The following AGBL1 variants were observed in gnomAD, a reference collection of about 807,000 sequenced individuals.
AGBL1 encodes cytosolic carboxypeptidase 4.
In AGBL1, 130 loss-of-function variants were observed where a neutral mutation model predicts 118.9. The observed-to-expected ratio is 1.09, with a 90% confidence interval of 0.95 to 1.26. AGBL1 has a LOEUF of 1.26. AGBL1 is among the 50% of genes most tolerant of loss of function. AGBL1 has a pLI of 0.00. For synonymous variants in AGBL1, 555 were observed against 478.9 expected (o/e 1.16, Z -2.08); for missense variants, 1,584 against 1,298.1 (o/e 1.22, Z -3.38).
At chr15:86,554,663 T>G in intron 21 of AGBL1, 126 bp downstream of exon 21, 1 of 970,270 alleles carries the variant, frequency 1.0e-6, no homozygotes, top group Non-Finnish European at 1.4e-6. Context: ...GGTCCTCCCT[T>G]GCCTTGAAAA....
At chr15:86,725,128 T>G (rs1473708878) in intron 22 of AGBL1, among the ~76,000 whole-genome samples, 1 of 152,174 alleles carries the variant, frequency 6.6e-6, no homozygotes, top group East Asian at 1.9e-4. Context: ...AAATTAAATG[T>G]GGGTTGAATA....
chr15:86,982,192 A>T lies in AGBL1; in HGVS notation c.3222-5795A>T, dbSNP rs999312854. Among the ~76,000 whole-genome samples, 4 of 152,160 alleles carry T rather than the reference A, an allele frequency of 2.6e-5. No individual in the cohort carries two copies. In the East Asian group the frequency reaches 7.7e-4, roughly 29 times the overall value. ...CCTAAGAACTTCTTTATATTTAATC[A>T]TATAGTTATATCATCCCAAATAATA... is the stretch of plus-strand genomic sequence containing the variant. On this transcript the variant is annotated intron_variant, in intron 23 of 24. Coordinates refer to the AGBL1 transcript ENST00000441037.
chr15:86,465,928 G>T (rs948418745), intron 18 of AGBL1, among the ~76,000 whole-genome samples: 81 of 152,088 alleles, frequency 5.3e-4, no homozygotes, highest in African/African-American at 1.9e-3. Context: ...CTCCCTATTT[G>T]TACACCCCTC....
At chr15:86,382,068 T>C (rs901834159) in intron 17 of AGBL1, among the ~76,000 whole-genome samples, 2 of 152,036 alleles carry the variant, frequency 1.3e-5, no homozygotes, top group African/African-American at 4.8e-5. Flanking sequence ...CTTGTGGGAC[T>C]CCCCCACCGC....
intron 22 of AGBL1, among the ~76,000 whole-genome samples, chr15:86,899,917 C>T (rs1337918021): frequency 6.6e-6 from 1 of 152,136 alleles, no homozygotes; most frequent in Non-Finnish European, 1.5e-5. Flanking sequence ...GACCCACCCT[C>T]AATCTGGGTG....
intron 20 of AGBL1, among the ~76,000 whole-genome samples, chr15:86,550,547 C>T (rs2142262663): frequency 6.6e-6 from 1 of 152,068 alleles, no homozygotes; most frequent in Non-Finnish European, 1.5e-5. Context: ...ATTCATAATA[C>T]TGAAACAAAT....
intron 1 of AGBL1, among the ~76,000 whole-genome samples, chr15:86,114,150 G>A (rs1262178891): frequency 1.3e-5 from 2 of 152,324 alleles, no homozygotes; most frequent in East Asian, 3.9e-4. Flanking sequence ...TTCTAGTCTT[G>A]TTGAACAATC....
rs189061845 is a variant in AGBL1, at chr15:86,132,808, A to T, written c.52-9196A>T. 3.2e-3 allele frequency among the ~76,000 whole-genome samples: 486 copies of T among 152,216 alleles called. 2 individuals are homozygous for T. Among genetic ancestry groups the T allele is most frequent in the Non-Finnish European group, 5.5e-3 (372 of 68,004 alleles). On this transcript the variant is annotated intron_variant, in intron 1 of 22. Transcript: ENST00000614907. Reference sequence around the variant, plus strand: ...GAGCATGCAATCTCACCCTCTTGAGATGTTTTGTTTATTTTTTTTCTCTCT... The same window carrying T: ...GAGCATGCAATCTCACCCTCTTGAGTTGTTTTGTTTATTTTTTTTCTCTCT...
At chr15:87,014,349 G>A (rs1054048367) in intron 24 of AGBL1, among the ~76,000 whole-genome samples, 2 of 152,184 alleles carry the variant, frequency 1.3e-5, no homozygotes, top group Non-Finnish European at 1.5e-5. Flanking sequence ...TCTTAGGCAA[G>A]TAAGTACAAT....
At chr15:86,389,356 A>T (rs921660584) in intron 17 of AGBL1, among the ~76,000 whole-genome samples, 3 of 152,186 alleles carry the variant, frequency 2.0e-5, no homozygotes, top group Non-Finnish European at 4.4e-5. Context: ...ATCTTGGTGG[A>T]AGAAACATGG....
rs2080074114 is a variant in AGBL1 at position 86,319,743 on chromosome 15, G to GGT, written c.2374+24335_2374+24336insGT. ...TGTACTTTGTTTTGCCTCTTTGGTA[G>GGT]TTTTTTTTTTTTTTTTTTTTTTTTT... On this transcript the variant is annotated intron_variant, in intron 17 of 22. Transcript: ENST00000614907. Among the ~76,000 whole-genome samples, 7 of 47,254 alleles carry GGT rather than the reference G, an allele frequency of 1.5e-4. 1 individual carries two copies. The East Asian group carries it at 4.9e-3, about 33-fold the overall frequency. The allele number at this position is 47,254 out of a possible 152,430, so 31.0% of individuals were successfully genotyped here. A position where few individuals can be genotyped will look rare whatever the true frequency, so the allele number is the denominator to read the frequency against.
chr15:87,011,195 G>A (rs1022624940), intron 24 of AGBL1, among the ~76,000 whole-genome samples: 1 of 150,302 alleles, frequency 6.7e-6, no homozygotes, highest in Non-Finnish European at 1.5e-5. Context: ...CTGCCAGCTA[G>A]ATGATGTCAG....
chr15:86,597,843 A>G (rs1309345433), intron 21 of AGBL1, among the ~76,000 whole-genome samples: 1 of 141,620 alleles, frequency 7.1e-6, no homozygotes. Context: ...GGATAGATAG[A>G]AGTGGGGCAA....
intron 22 of AGBL1, among the ~76,000 whole-genome samples, chr15:86,813,274 A>G (rs952611912): frequency 6.6e-6 from 1 of 152,042 alleles, no homozygotes; most frequent in Admixed American, 6.6e-5. Context: ...GTGCAATGCT[A>G]TGGAGCTCCG....
At chr15:86,349,299 C>G (rs2080588321) in intron 17 of AGBL1, among the ~76,000 whole-genome samples, 1 of 152,100 alleles carries the variant, frequency 6.6e-6, no homozygotes, top group African/African-American at 2.4e-5. Context: ...GGGAATGGTG[C>G]TAGACAGTCT....
At chr15:86,092,470 G>T (rs1896097653) in intron 1 of AGBL1, among the ~76,000 whole-genome samples, 1 of 151,952 alleles carries the variant, frequency 6.6e-6, no homozygotes, top group Admixed American at 6.6e-5. Flanking sequence ...TAAAAAATGT[G>T]GATAAAATAT....
chr15:86,762,019 C>T (rs2078031801), intron 22 of AGBL1, among the ~76,000 whole-genome samples: 1 of 152,006 alleles, frequency 6.6e-6, no homozygotes, highest in East Asian at 1.9e-4. Flanking sequence ...ACATATACAC[C>T]ATGGAATACT....
chr15:86,561,936 C>G (rs2142287944), intron 21 of AGBL1, among the ~76,000 whole-genome samples: 1 of 152,172 alleles, frequency 6.6e-6, no homozygotes, highest in South Asian at 2.1e-4. Flanking sequence ...GGAGTTCACT[C>G]ATGATTTGGC....
chr15:86,313,679 A>G (rs542486151), intron 17 of AGBL1, among the ~76,000 whole-genome samples: 1 of 152,358 alleles, frequency 6.6e-6, no homozygotes, highest in African/African-American at 2.4e-5. Flanking sequence ...GATTAATAAT[A>G]CATTATCATT....
Sources: gnomAD v4.1 joint callset for allele counts (sites outside exome capture counted in the v4.1 genomes callset) on GRCh38, gnomAD v4.1.1 for gene constraint, MANE v1.5 for transcripts, NCBI Gene and HGNC (gene_info 2026-07-23, HGNC 2026-07-21) for gene names.